The following HDAC4 variants were observed in gnomAD, a reference collection of about 807,000 sequenced individuals.
HDAC4 encodes the protein histone deacetylase 4.
A neutral mutation model predicts 135.1 loss-of-function variants in HDAC4; 16 were observed. The ratio of observed to expected loss-of-function variants is 0.12; its 90% CI spans 0.08 to 0.18. HDAC4 has a LOEUF of 0.18. Ranked by LOEUF, HDAC4 falls within the 10% of genes least tolerant of loss-of-function variation. The pLI is 1.00. For missense variants in HDAC4, 1,143 were observed against 1,511.8 expected, an observed-to-expected ratio of 0.76 and a Z score of 4.05; for synonymous variants, 685 against 653.4, an observed-to-expected ratio of 1.05 and a Z score of -0.74.
rs1334942138 is a variant in HDAC4 at position 239,094,272 on chromosome 2, CA to C, written c.2280+737del. On this transcript the variant is annotated intron_variant, in intron 17 of 26. Coordinates refer to ENST00000543185, the MANE Select transcript of HDAC4 (RefSeq NM_001378414.1). ...CCTGCCCAGGCTGCATCAAGGAGGT[CA>C]GGGGCCAGGGGAGAACTCTTTTGTT... The C allele has an allele frequency of 2.2e-4, 212 of 985,346 alleles. 2 individuals carry two copies. Among genetic ancestry groups the C allele is most frequent in the Non-Finnish European group, 5.9e-5 (49 of 829,940 alleles). 61.0% of individuals were successfully genotyped at this position (985,346 alleles called of 1,614,324 possible).
At chr2:239,117,143 A>G (rs1392783945) in intron 12 of HDAC4, among the ~76,000 whole-genome samples, 1 of 152,206 alleles carries the variant, frequency 6.6e-6, no homozygotes, top group Non-Finnish European at 1.5e-5. Context: ...GCTGACCTCA[A>G]TGCGCTCTGG....
At chr2:239,360,618 A>G (rs1326046844) in intron 1 of HDAC4, among the ~76,000 whole-genome samples, 1 of 152,196 alleles carries the variant, frequency 6.6e-6, no homozygotes, top group African/African-American at 2.4e-5. Flanking sequence ...GGAAAAAAGT[A>G]CTAGATAGGA....
chr2:239,181,803 G>A (rs1286330532), intron 4 of HDAC4, among the ~76,000 whole-genome samples: 1 of 152,224 alleles, frequency 6.6e-6, no homozygotes, highest in East Asian at 1.9e-4. Context: ...TGTGAGGACT[G>A]GAAGAGGTGG....
At chr2:239,233,363 C>T (rs2047707461) in intron 3 of HDAC4, among the ~76,000 whole-genome samples, 1 of 151,698 alleles carries the variant, frequency 6.6e-6, no homozygotes, top group African/African-American at 2.4e-5. Flanking sequence ...TTCACGGTGA[C>T]ACTCAAAGGC....
intron 1 of HDAC4, among the ~76,000 whole-genome samples, chr2:239,369,181 A>G (rs1694429228): frequency 1.3e-5 from 2 of 152,182 alleles, no homozygotes; most frequent in Non-Finnish European, 2.9e-5. Flanking sequence ...GACAGATGCC[A>G]ACAAGCGGGA....
At position 239,216,897 on chromosome 2, in the gene HDAC4, G is replaced by A. The variant is rs138478937; in HGVS notation, c.94+19696C>T. On this transcript the variant is annotated intron_variant, in intron 3 of 26. Transcript: ENST00000543185. ...AAGGAAGCTCTGACTAAGCTACCTCGAACTATTCTCAACAATTTCTAAATG... is the reference window on the plus strand; with the variant it reads ...AAGGAAGCTCTGACTAAGCTACCTCAAACTATTCTCAACAATTTCTAAATG... Among the ~76,000 whole-genome samples, 6 of 152,350 alleles carry A rather than the reference G, an allele frequency of 3.9e-5. No homozygotes were observed. In the South Asian group the frequency reaches 6.2e-4, roughly 16 times the overall value.
intron 19 of HDAC4, among the ~76,000 whole-genome samples, chr2:239,086,404 T>A (rs538777954): frequency 6.8e-6 from 1 of 147,330 alleles, no homozygotes; most frequent in Non-Finnish European, 1.5e-5. Context: ...TGACTATCTC[T>A]CACGTACAGT....
intron 3 of HDAC4, among the ~76,000 whole-genome samples, chr2:239,227,524 T>G (rs2047311039): frequency 6.6e-6 from 1 of 152,116 alleles, no homozygotes; most frequent in Admixed American, 6.5e-5. Context: ...GCAGATACCG[T>G]GCTCACCAGA....
chr2:239,225,480 T>C (rs1300542235), intron 3 of HDAC4, among the ~76,000 whole-genome samples: 4 of 152,206 alleles, frequency 2.6e-5, no homozygotes, highest in Non-Finnish European at 5.9e-5. Context: ...GAGTAAAGCA[T>C]AGCTGGACTC....
intron 2 of HDAC4, among the ~76,000 whole-genome samples, chr2:239,333,835 C>A (rs918101492): frequency 1.3e-5 from 2 of 152,112 alleles, no homozygotes; most frequent in African/African-American, 4.8e-5. Flanking sequence ...ATGGACTACA[C>A]AGAACTTATA....
chr2:239,125,400 A>C (rs755449322), intron 12 of HDAC4, among the ~76,000 whole-genome samples: 1 of 152,072 alleles, frequency 6.6e-6, no homozygotes, highest in African/African-American at 2.4e-5. Flanking sequence ...GACTCCCCAG[A>C]AGCAGAGGCC....
At chr2:239,104,534 C>T (rs1231837464) in intron 15 of HDAC4, among the ~76,000 whole-genome samples, 1 of 152,198 alleles carries the variant, frequency 6.6e-6, no homozygotes, top group Non-Finnish European at 1.5e-5. Context: ...CTGGCCAGGG[C>T]TTCTCATTTC....
intron 1 of HDAC4, among the ~76,000 whole-genome samples, chr2:239,389,928 C>G (rs915409638): frequency 3.3e-5 from 5 of 152,140 alleles, no homozygotes; most frequent in Admixed American, 2.6e-4. Flanking sequence ...GGAGCCAGAC[C>G]GAAGGAGAGT....
intron 3 of HDAC4, among the ~76,000 whole-genome samples, chr2:239,196,547 G>C (rs2045394862): frequency 6.6e-6 from 1 of 152,334 alleles, no homozygotes; most frequent in Non-Finnish European, 1.5e-5. Context: ...TCCCGGGACA[G>C]GACAGTCTCG....
chr2:239,279,286 AACAGTG>A, intron 2 of HDAC4, among the ~76,000 whole-genome samples: 1 of 152,238 alleles, frequency 6.6e-6, no homozygotes, highest in Non-Finnish European at 1.5e-5. Context: ...CTGAGCTGAA[AACAGTG>A]ACTGAACAAA....
At chr2:239,174,828 G>T (rs1326624356) in intron 5 of HDAC4, among the ~76,000 whole-genome samples, 2 of 152,220 alleles carry the variant, frequency 1.3e-5, no homozygotes, top group Non-Finnish European at 2.9e-5. Flanking sequence ...CTTGCTAAAT[G>T]CAAAATGGGG....
chr2:239,264,234 C>T (rs2049570191), intron 2 of HDAC4, among the ~76,000 whole-genome samples: 1 of 152,192 alleles, frequency 6.6e-6, no homozygotes. Flanking sequence ...CCTCTTTCTG[C>T]TCGGGCCGCC....
At chr2:239,155,197 C>G (rs1246540610) in intron 7 of HDAC4, among the ~76,000 whole-genome samples, 1 of 151,286 alleles carries the variant, frequency 6.6e-6, no homozygotes, top group Non-Finnish European at 1.5e-5. Flanking sequence ...ATACGGCCCA[C>G]TGCTCCAGGG....
At chr2:239,103,881 G>T (rs2037881020) in intron 15 of HDAC4, among the ~76,000 whole-genome samples, 1 of 152,262 alleles carries the variant, frequency 6.6e-6, no homozygotes, top group Non-Finnish European at 1.5e-5. Context: ...GCAGGGTGGA[G>T]GAAGAAGGGG....
Sources: allele counts gnomAD v4.1 joint callset (sites outside exome capture counted in the v4.1 genomes callset), GRCh38; gene constraint gnomAD v4.1.1; transcripts MANE v1.5; gene names NCBI Gene and HGNC (gene_info 2026-07-23, HGNC 2026-07-21).